TMEM132D: variants seen among roughly 807,000 people sequenced by gnomAD.
TMEM132D encodes transmembrane protein 132D.
Under a neutral mutation model 62.3 loss-of-function variants are expected in TMEM132D, and 21 were observed. The observed-to-expected ratio is 0.34, with a 90% CI of 0.24 to 0.49. The LOEUF (loss-of-function observed/expected upper bound fraction) is 0.49. TMEM132D is among the 20% of genes least tolerant of loss of function. TMEM132D has a pLI of 0.99. For synonymous variants in TMEM132D, 621 were observed against 575.6 expected, an observed-to-expected ratio of 1.08 and a Z score of -1.13; for missense variants, 1,346 against 1,402.8, an observed-to-expected ratio of 0.96 and a Z score of 0.65.
At chr12:129,253,643 A>G (rs1418719649) in intron 4 of TMEM132D, among the ~76,000 whole-genome samples, 1 of 152,208 alleles carries the variant, frequency 6.6e-6, no homozygotes, top group Admixed American at 6.5e-5. Flanking sequence ...TTTCTCCTCC[A>G]TGTCTCAACT....
At chr12:129,578,133 C>T (rs1877728988) in intron 2 of TMEM132D, among the ~76,000 whole-genome samples, 1 of 152,120 alleles carries the variant, frequency 6.6e-6, no homozygotes, top group Admixed American at 6.5e-5. Flanking sequence ...GATTCCAGAA[C>T]TTGGACCGGT....
At chr12:129,438,893 A>G (rs192288938) in intron 3 of TMEM132D, among the ~76,000 whole-genome samples, 19 of 152,356 alleles carry the variant, frequency 1.2e-4, no homozygotes, top group Middle Eastern at 3.4e-3. Context: ...ACAGAGCAAT[A>G]AATCTATTCA....
intron 3 of TMEM132D, among the ~76,000 whole-genome samples, chr12:129,344,652 G>C (rs376607731): frequency 6.6e-6 from 1 of 152,134 alleles, no homozygotes; most frequent in African/African-American, 2.4e-5. Context: ...TTGGCTAAGA[G>C]CAGGTTTGGC....
intron 5 of TMEM132D, among the ~76,000 whole-genome samples, chr12:129,162,904 C>T (rs563964294): frequency 2.0e-5 from 3 of 152,324 alleles, no homozygotes; most frequent in South Asian, 2.1e-4. Context: ...GTCATTGTGC[C>T]GACTTGCCAG....
At chr12:129,092,046 C>G (rs1490557085) in intron 5 of TMEM132D, among the ~76,000 whole-genome samples, 1 of 152,116 alleles carries the variant, frequency 6.6e-6, no homozygotes, top group Non-Finnish European at 1.5e-5. Context: ...TATTAACTAC[C>G]ACATTACAAT....
intron 3 of TMEM132D, among the ~76,000 whole-genome samples, chr12:129,519,124 AGGAAG>A (rs1875771774): frequency 6.6e-6 from 1 of 152,120 alleles, no homozygotes; most frequent in Admixed American, 6.5e-5. Flanking sequence ...GCTCCTTTTA[AGGAAG>A]GGGTTATTAG....
chr12:129,796,894 G>A (rs1871579446), intron 1 of TMEM132D, among the ~76,000 whole-genome samples: 1 of 152,170 alleles, frequency 6.6e-6, no homozygotes, highest in African/African-American at 2.4e-5. Flanking sequence ...AAATAAATAA[G>A]TAGATCCAGC....
chr12:129,700,436 G>A lies in TMEM132D; in HGVS notation c.342C>T (p.Ser114=), dbSNP rs771083771. The change falls in exon 2 of 9, where the codon TCC becomes TCT. Residue 114 remains serine, a synonymous_variant. Coordinates refer to ENST00000422113, the MANE Select transcript of TMEM132D (RefSeq NM_133448.3). ...QVVPQDLMLP[S]NPFGFTNKFS... ...ATTTGTTGGTGAATCCAAATGGGTTGGAAGGTAGCATTAAATCCTGGGGCA... is the reference window on the plus strand; with the variant it reads ...ATTTGTTGGTGAATCCAAATGGGTTAGAAGGTAGCATTAAATCCTGGGGCA... 3 of 1,614,058 alleles carry A rather than the reference G, an allele frequency of 1.9e-6. No individual in the cohort carries two copies. Among genetic ancestry groups the A allele is most frequent in the South Asian group, 1.1e-5 (1 of 91,082 alleles).
At chr12:129,316,747 T>C (rs903964169) in intron 4 of TMEM132D, among the ~76,000 whole-genome samples, 1 of 152,190 alleles carries the variant, frequency 6.6e-6, no homozygotes. Flanking sequence ...AGTGGAGTAC[T>C]AAAGTCCCCC....
chr12:129,803,741 GA>G (rs1243702162), intron 1 of TMEM132D, among the ~76,000 whole-genome samples: 17 of 151,920 alleles, frequency 1.1e-4, no homozygotes, highest in African/African-American at 4.1e-4. Context: ...AAAAATTAAT[GA>G]ATCAAGGAGC....
rs115132693 is a variant in TMEM132D, at chr12:129,075,953, C to T, written c.2116-894G>A. 6.7e-3 allele frequency among the ~76,000 whole-genome samples: 1,014 copies of T among 152,140 alleles called. 9 individuals are homozygous for T. The highest frequency in any genetic ancestry group is 0.023 in the African/African-American group (956 of 41,458). ...TCCCTCCCTCTCAGAGAACCTGCTC[C>T]GCCCCAAGCCCGAGATGATGAACAG... On this transcript the variant is annotated intron_variant, in intron 8 of 8. Transcript: ENST00000422113.
intron 1 of TMEM132D, among the ~76,000 whole-genome samples, chr12:129,896,335 G>A (rs965377330): frequency 3.3e-5 from 5 of 152,150 alleles, no homozygotes; most frequent in Admixed American, 1.3e-4. Flanking sequence ...GGCAGTGGCT[G>A]CCAGGTGTTC....
At chr12:129,480,076 T>C (rs1435404414) in intron 3 of TMEM132D, among the ~76,000 whole-genome samples, 1 of 150,852 alleles carries the variant, frequency 6.6e-6, no homozygotes, top group African/African-American at 2.4e-5. Flanking sequence ...AAGTTCTCAC[T>C]GTGTCCTAGA....
chr12:129,356,012 C>T (rs1270790965), intron 3 of TMEM132D, among the ~76,000 whole-genome samples: 1 of 152,172 alleles, frequency 6.6e-6, no homozygotes, highest in African/African-American at 2.4e-5. Context: ...TCATCTGAAA[C>T]TTCATTTGGG....
rs561265054 is a variant in TMEM132D, at chr12:129,194,164, T to G, written c.1443+15356A>C. On this transcript the variant is annotated intron_variant, in intron 5 of 8. Coordinates refer to ENST00000422113, the MANE Select transcript of TMEM132D (RefSeq NM_133448.3). ...GAATTTCAATTTGCTGTCCCATTTT[T>G]TTCCTCTCCATGTAGAAAACAGAAA... 1.2e-3 allele frequency among the ~76,000 whole-genome samples: 188 copies of G among 152,340 alleles called. 1 individual carries two copies. The highest frequency in any genetic ancestry group is 4.2e-3 in the African/African-American group (173 of 41,586).
intron 1 of TMEM132D, among the ~76,000 whole-genome samples, chr12:129,812,920 G>A (rs1418470802): frequency 6.6e-6 from 1 of 151,690 alleles, no homozygotes; most frequent in Non-Finnish European, 1.5e-5. Context: ...CCCCAGATTT[G>A]TAAATTCAGT....
intron 1 of TMEM132D, among the ~76,000 whole-genome samples, chr12:129,720,995 A>C (rs961505318): frequency 1.3e-5 from 2 of 152,336 alleles, no homozygotes; most frequent in East Asian, 1.9e-4. Flanking sequence ...GAATCACTGC[A>C]GGGGAAGATG....
At chr12:129,311,023 C>A (rs1400475851) in intron 4 of TMEM132D, among the ~76,000 whole-genome samples, 1 of 96,016 alleles carries the variant, frequency 1.0e-5, no homozygotes. Context: ...ACGGTGAAAC[C>A]CCGTCTCTAC....
intron 4 of TMEM132D, among the ~76,000 whole-genome samples, chr12:129,214,826 T>G (rs1425247885): frequency 6.6e-6 from 1 of 152,166 alleles, no homozygotes; most frequent in Non-Finnish European, 1.5e-5. Context: ...ACTGGTGACA[T>G]TGTGGGGTAA....
Sources: allele counts gnomAD v4.1 joint callset (sites outside exome capture counted in the v4.1 genomes callset), GRCh38; gene constraint gnomAD v4.1.1; transcripts MANE v1.5; gene names NCBI Gene and HGNC (gene_info 2026-07-23, HGNC 2026-07-21).